IL22RA2: variants seen among roughly 807,000 people sequenced by gnomAD.
The protein encoded by IL22RA2 is interleukin-22 receptor subunit alpha-2.
In IL22RA2, 39 loss-of-function variants were observed where a neutral mutation model predicts 30.7. That is an observed-to-expected ratio of 1.27 (90% confidence interval 0.98 to 1.66). The LOEUF (loss-of-function observed/expected upper bound fraction) is 1.66, where lower values mean the gene tolerates loss of function less well. Ranked by LOEUF, IL22RA2 falls within the 40% of genes most tolerant of loss-of-function variation. The pLI, the probability that IL22RA2 is intolerant of heterozygous loss-of-function variation, is 0.00. For missense variants in IL22RA2, 315 were observed against 312.7 expected, an observed-to-expected ratio of 1.01 and a Z score of -0.05; for synonymous variants, 103 against 105.0, an observed-to-expected ratio of 0.98 and a Z score of 0.11.
At chr6:137,147,984 G>A (rs1005121051) in intron 5 of IL22RA2, 93 bp from the exon 6 acceptor site, 1 of 1,180,374 alleles carries the variant, frequency 8.5e-7, no homozygotes, top group Non-Finnish European at 1.2e-6. Context: ...ATGGTGGGAG[G>A]ATCACCTGAG....
chr6:137,156,906 G>A, intron 3 of IL22RA2, 52 bp from the exon 4 acceptor site: 1 of 1,579,330 alleles, frequency 6.3e-7, no homozygotes, highest in South Asian at 1.1e-5. Context: ...CAAACTCAAG[G>A]GGCATCCTGG....
chr6:137,161,319 C>G (rs1276955073), intron 2 of IL22RA2, among the ~76,000 whole-genome samples: 2 of 152,118 alleles, frequency 1.3e-5, no homozygotes, highest in South Asian at 2.1e-4. Flanking sequence ...TGGTAACCAC[C>G]ATGATTTAGT....
chr6:137,158,262 G>A (rs12206893), intron 3 of IL22RA2, 85 bp downstream of exon 3: 3 of 1,515,614 alleles, frequency 2.0e-6, no homozygotes, highest in Non-Finnish European at 1.8e-6. Flanking sequence ...CTGAAAAAAA[G>A]CTCGGATCCT....
chr6:137,152,101 T>C (rs1457372408), intron 5 of IL22RA2, among the ~76,000 whole-genome samples: 1 of 152,084 alleles, frequency 6.6e-6, no homozygotes, highest in African/African-American at 2.4e-5. Flanking sequence ...TAGTCCTTGG[T>C]ACTTGGGAGG....
intron 6 of IL22RA2, among the ~76,000 whole-genome samples, chr6:137,146,890 G>A (rs946643033): frequency 3.3e-5 from 5 of 152,036 alleles, no homozygotes; most frequent in Admixed American, 6.6e-5. Flanking sequence ...CAGCTACTTG[G>A]GAGGCTGAGG....
At chr6:137,170,124 C>T in intron 1 of IL22RA2, among the ~76,000 whole-genome samples, 1 of 152,170 alleles carries the variant, frequency 6.6e-6, no homozygotes, top group East Asian at 1.9e-4. Context: ...GACATACCAC[C>T]ATCCGAATAA....
intron 6 of IL22RA2, among the ~76,000 whole-genome samples, chr6:137,146,090 G>C (rs1262646039): frequency 6.6e-6 from 1 of 152,148 alleles, no homozygotes; most frequent in Non-Finnish European, 1.5e-5. Flanking sequence ...GGAGTGCAGT[G>C]TCACCATCTC....
chr6:137,161,947 C>CAAA lies in IL22RA2; in HGVS notation c.-65-136_-65-134dup, dbSNP rs1282357048. The CAAA allele has an allele frequency of 2.7e-4, 133 of 497,238 alleles. 1 individual carries two copies. The highest frequency in any genetic ancestry group is 4.4e-4 in the East Asian group (14 of 32,104). The allele number at this position is 497,238 out of a possible 1,614,324, so 30.8% of individuals were successfully genotyped here. On this transcript the variant is annotated intron_variant, in intron 1 of 6. Transcript: ENST00000296980. ...AAATATGAAAGTATAAAAATCACTTCAAAAAACATTTGCTGTCACTTTTAT... is the reference window on the plus strand; with the variant it reads ...AAATATGAAAGTATAAAAATCACTTCAAAAAAAAACATTTGCTGTCACTTTTAT...
chr6:137,156,713 A>G (rs1265466446), intron 4 of IL22RA2, 46 bp downstream of exon 4: 20 of 1,597,466 alleles, frequency 1.3e-5, no homozygotes, highest in Non-Finnish European at 1.5e-5. Context: ...ATGTTTCTAT[A>G]ACAGAACACC....
chr6:137,153,733 G>A (rs1778341624), intron 5 of IL22RA2, among the ~76,000 whole-genome samples: 1 of 152,148 alleles, frequency 6.6e-6, no homozygotes, highest in Non-Finnish European at 1.5e-5. Flanking sequence ...GGGGTCAGGT[G>A]GAAGAATTCT....
In IL22RA2 at chr6:137,147,840, A is replaced by G; in HGVS notation, c.524T>C (p.Leu175Ser). 6.2e-7 allele frequency: 1 copy of G among 1,613,598 alleles called. No homozygotes were observed. The highest frequency in any genetic ancestry group is 8.5e-7 in the Non-Finnish European group (1 of 1,179,720). The change falls in exon 6 of 7, where the codon TTG (leucine) becomes TCG (serine). Residue 175 changes from leucine to serine, a missense_variant. Physicochemically the swap from Leu to Ser is moderately radical, Grantham distance 145 (BLOSUM62 -2). Coordinates refer to ENST00000296980, the MANE Select transcript of IL22RA2 (RefSeq NM_052962.3). ...MNITQVNGSL[L>S]VILHAPNLPY... is the part of the protein sequence containing the mutation. ...TAAATTTGGAGCATGGAGAATTACC[A>G]ACAAAGAGCCATTGACTTGGGTTAT... is the stretch of plus-strand genomic sequence containing the variant.
At chr6:137,146,188 C>T (rs1037296814) in intron 6 of IL22RA2, among the ~76,000 whole-genome samples, 10 of 152,100 alleles carry the variant, frequency 6.6e-5, no homozygotes, top group East Asian at 1.9e-4. Context: ...CATACCACCA[C>T]GCCTGGCTAA....
chr6:137,153,576 T>C (rs915041267), intron 5 of IL22RA2, among the ~76,000 whole-genome samples: 1 of 152,186 alleles, frequency 6.6e-6, no homozygotes, highest in African/African-American at 2.4e-5. Flanking sequence ...ATAACAAAAA[T>C]GGTTTCCAAA....
rs1361697891 is a variant in IL22RA2, at chr6:137,144,486, G to A, written c.*1138C>T. 1 of 152,210 alleles carries A rather than the reference G, an allele frequency of 6.6e-6. No homozygotes were observed. The highest frequency in any genetic ancestry group is 1.5e-5 in the Non-Finnish European group (1 of 68,050). The allele number at this position is 152,210 out of a possible 1,614,324, so 9.4% of individuals were successfully genotyped here. On this transcript the variant is annotated 3_prime_UTR_variant, in exon 7 of 7. Transcript: ENST00000296980. ...AACCTTAAACATATATGAAGACTTA[G>A]CCTCAAGTGAAGAAGGCAGCTTTCT...
At chr6:137,149,827 G>T (rs1226469147) in intron 5 of IL22RA2, among the ~76,000 whole-genome samples, 1 of 152,094 alleles carries the variant, frequency 6.6e-6, no homozygotes, top group African/African-American at 2.4e-5. Flanking sequence ...CAATATATTG[G>T]TTATCTTTCA....
chr6:137,154,192 C>A (rs1221269698), intron 5 of IL22RA2, among the ~76,000 whole-genome samples: 1 of 152,102 alleles, frequency 6.6e-6, no homozygotes, highest in Non-Finnish European at 1.5e-5. Flanking sequence ...TTTTGGTCTG[C>A]CTTTTTGGGG....
At chr6:137,158,578 T>C (rs1653197169) in intron 2 of IL22RA2, 96 bp from the exon 3 acceptor site, 1 of 1,293,846 alleles carries the variant, frequency 7.7e-7, no homozygotes, top group African/African-American at 1.5e-5. Context: ...CAGGATTCCC[T>C]AAAGTAGTTG....
At chr6:137,165,476 G>C (rs1282355182) in intron 1 of IL22RA2, among the ~76,000 whole-genome samples, 1 of 152,190 alleles carries the variant, frequency 6.6e-6, no homozygotes, top group Non-Finnish European at 1.5e-5. Flanking sequence ...GCTAGATGCA[G>C]AGCTAAGGAA....
intron 5 of IL22RA2, 57 bp from the exon 6 acceptor site, chr6:137,147,948 C>A: frequency 1.4e-6 from 2 of 1,444,638 alleles, no homozygotes; most frequent in Middle Eastern, 1.8e-4. Flanking sequence ...TATATACAGA[C>A]GCATTATGTA....
Sources: gnomAD v4.1 joint callset for allele counts (sites outside exome capture counted in the v4.1 genomes callset) on GRCh38, gnomAD v4.1.1 for gene constraint, MANE v1.5 for transcripts, NCBI Gene and HGNC (gene_info 2026-07-23, HGNC 2026-07-21) for gene names.